ARHGEF3: variants seen among roughly 807,000 people sequenced by gnomAD.
The protein encoded by ARHGEF3 is 59.8 kDA protein.
Under a neutral mutation model 63.2 loss-of-function variants are expected in ARHGEF3, and 28 were observed. The observed-to-expected ratio is 0.44, with a 90% CI of 0.33 to 0.61. The LOEUF is 0.61. ARHGEF3 is among the 20% of genes least tolerant of loss of function. The probability of loss-of-function intolerance (pLI) is 0.03; values close to 1 mark genes in which losing one functional copy is unlikely to be tolerated. For missense variants in ARHGEF3, 533 were observed against 659.3 expected (o/e 0.81, Z 2.10); for synonymous variants, 266 against 254.2 (o/e 1.05, Z -0.44).
At chr3:56,753,959 A>G (rs1032863209) in intron 3 of ARHGEF3, among the ~76,000 whole-genome samples, 1 of 152,250 alleles carries the variant, frequency 6.6e-6, no homozygotes, top group African/African-American at 2.4e-5. Flanking sequence ...TGGATGTGGC[A>G]GTATTATTAA....
intron 4 of ARHGEF3, among the ~76,000 whole-genome samples, chr3:56,837,148 T>G (rs1265436170): frequency 6.6e-6 from 1 of 152,136 alleles, no homozygotes; most frequent in Non-Finnish European, 1.5e-5. Context: ...GTCAGGAGGT[T>G]CAGAAAATGT....
At chr3:56,907,719 AC>A (rs2041732699) in intron 3 of ARHGEF3, among the ~76,000 whole-genome samples, 1 of 152,224 alleles carries the variant, frequency 6.6e-6, no homozygotes. Context: ...TTTTGCAGGA[AC>A]ATGGATGAAG....
chr3:56,915,978 C>T (rs1236846368), intron 3 of ARHGEF3, among the ~76,000 whole-genome samples: 1 of 152,108 alleles, frequency 6.6e-6, no homozygotes, highest in African/African-American at 2.4e-5. Context: ...CACAGCAGAG[C>T]GTGAAAAGCC....
intron 4 of ARHGEF3, among the ~76,000 whole-genome samples, chr3:56,827,752 C>CA (rs35949919): frequency 0.5 from 33,980 of 68,520 alleles, 9,509 homozygotes; most frequent in Non-Finnish European, 0.6. Flanking sequence ...CCTGTCTCTA[C>CA]AAAAAAAAAA....
Position 56,930,045 on chromosome 3 carries a change from G to GC in ARHGEF3, c.129+28777dup, listed in dbSNP as rs35270414. Among the ~76,000 whole-genome samples, 587 of 151,638 alleles carry GC rather than the reference G, an allele frequency of 3.9e-3. 14 individuals carry two copies. In the East Asian group the frequency reaches 0.072, roughly 18 times the overall value. On this transcript the variant is annotated intron_variant, in intron 3 of 12. Coordinates refer to the ARHGEF3 transcript ENST00000338458. Reference sequence around the variant, plus strand: ...ATTCCTGAGTCTGGGTCAACTACCAGCCCCCCCCTCCCACCAGCTGTGGCT... The same window carrying GC: ...ATTCCTGAGTCTGGGTCAACTACCAGCCCCCCCCCTCCCACCAGCTGTGGCT...
intron 4 of ARHGEF3, among the ~76,000 whole-genome samples, chr3:56,835,533 T>C (rs1478537852): frequency 6.6e-6 from 1 of 152,178 alleles, no homozygotes; most frequent in Non-Finnish European, 1.5e-5. Flanking sequence ...TAAAATTAAA[T>C]AATTATAAGA....
At chr3:57,037,589 T>C (rs1011850234) in intron 1 of ARHGEF3, among the ~76,000 whole-genome samples, 1 of 152,160 alleles carries the variant, frequency 6.6e-6, no homozygotes, top group Non-Finnish European at 1.5e-5. Context: ...ACCATCACCC[T>C]TTAGGCTGGG....
chr3:56,751,456 C>A, intron 4 of ARHGEF3, 60 bp from the exon 5 acceptor site: 3 of 1,430,244 alleles, frequency 2.1e-6, no homozygotes, highest in East Asian at 2.3e-5. Context: ...GTACATTGTT[C>A]ATGTAAGTGG....
chr3:56,967,323 T>TAC (rs1474096599), intron 2 of ARHGEF3, among the ~76,000 whole-genome samples: 14 of 111,430 alleles, frequency 1.3e-4, no homozygotes, highest in East Asian at 4.6e-4. Context: ...TTATATATTA[T>TAC]ATATTATATA....
chr3:56,911,370 A>T (rs1311736397), intron 3 of ARHGEF3, among the ~76,000 whole-genome samples: 6 of 152,178 alleles, frequency 3.9e-5, no homozygotes, highest in Non-Finnish European at 8.8e-5. Context: ...ATATTCAGAA[A>T]AAGAGGGCTG....
At chr3:57,073,021 G>C (rs140941138) in intron 1 of ARHGEF3, among the ~76,000 whole-genome samples, 3,981 of 152,274 alleles carry the variant, frequency 0.026, 167 homozygotes, top group African/African-American at 0.09. Flanking sequence ...ACTCCAGCCT[G>C]GGTGACAGAG....
intron 2 of ARHGEF3, among the ~76,000 whole-genome samples, chr3:57,016,512 C>T (rs1239839999): frequency 6.6e-6 from 1 of 152,000 alleles, no homozygotes; most frequent in African/African-American, 2.4e-5. Context: ...CGCACCACCG[C>T]ACTCCAGCCT....
chr3:56,772,905 A>AT (rs1559926064), intron 2 of ARHGEF3, among the ~76,000 whole-genome samples: 1 of 152,136 alleles, frequency 6.6e-6, no homozygotes, highest in Non-Finnish European at 1.5e-5. Flanking sequence ...TGGAAAAAAC[A>AT]TTTTTTTAAT....
Position 56,729,205 on chromosome 3 carries a change from T to A in ARHGEF3, c.*65A>T. On this transcript the variant is annotated 3_prime_UTR_variant, in exon 10 of 10. Coordinates refer to ENST00000296315, the MANE Select transcript of ARHGEF3 (RefSeq NM_019555.3). Reference sequence around the variant, plus strand: ...AAAAGTGCTTCTCCAAACCGTTCCATCTGTGGAATGCAAATACTGTACAGG... The same window carrying A: ...AAAAGTGCTTCTCCAAACCGTTCCAACTGTGGAATGCAAATACTGTACAGG... The A allele has an allele frequency of 1.4e-6, 2 of 1,428,202 alleles. No homozygotes were observed. Among genetic ancestry groups the A allele is most frequent in the Non-Finnish European group, 1.9e-6 (2 of 1,049,194 alleles). The allele number at this position is 1,428,202 out of a possible 1,614,324, so 88.5% of individuals were successfully genotyped here.
At chr3:56,877,990 T>C (rs571380013) in intron 4 of ARHGEF3, among the ~76,000 whole-genome samples, 1 of 152,352 alleles carries the variant, frequency 6.6e-6, no homozygotes, top group African/African-American at 2.4e-5. Context: ...TAGCTATGGC[T>C]TTGAGGTGGG....
chr3:56,972,073 G>C (rs1700936293), intron 2 of ARHGEF3, among the ~76,000 whole-genome samples: 1 of 151,916 alleles, frequency 6.6e-6, no homozygotes, highest in Non-Finnish European at 1.5e-5. Flanking sequence ...ATGGGCCTTG[G>C]GTTGCTCATT....
At chr3:57,052,389 C>T (rs1399283512) in intron 1 of ARHGEF3, among the ~76,000 whole-genome samples, 1 of 152,048 alleles carries the variant, frequency 6.6e-6, no homozygotes, top group African/African-American at 2.4e-5. Context: ...CTCCACCTCC[C>T]GGGTTCAAGC....
chr3:57,059,439 G>A (rs1424751031), intron 1 of ARHGEF3, among the ~76,000 whole-genome samples: 2 of 144,734 alleles, frequency 1.4e-5, no homozygotes, highest in Admixed American at 7.3e-5. Context: ...TGGGCCACAT[G>A]TTAGACAAGC....
chr3:57,041,955 C>A (rs1352788933), intron 1 of ARHGEF3, among the ~76,000 whole-genome samples: 1 of 152,164 alleles, frequency 6.6e-6, no homozygotes, highest in East Asian at 1.9e-4. Flanking sequence ...GAGGCCACCA[C>A]CCCCGAGGGC....
Sources: gnomAD v4.1 joint callset for allele counts (sites outside exome capture counted in the v4.1 genomes callset) on GRCh38, gnomAD v4.1.1 for gene constraint, MANE v1.5 for transcripts, NCBI Gene and HGNC (gene_info 2026-07-23, HGNC 2026-07-21) for gene names.